Variants in SLC17A8 observed in about 807,000 individuals in gnomAD.
SLC17A8 encodes the protein vesicular glutamate transporter 3.
Under a neutral mutation model 58.0 loss-of-function variants are expected in SLC17A8, and 31 were observed. The observed-to-expected ratio is 0.53, with a 90% CI of 0.40 to 0.72. The LOEUF (loss-of-function observed/expected upper bound fraction) is 0.72, where lower values mean the gene tolerates loss of function less well. Ranked by LOEUF, SLC17A8 falls within the 30% of genes least tolerant of loss-of-function variation. The pLI is 0.00. For synonymous variants in SLC17A8, 228 were observed against 249.0 expected, an observed-to-expected ratio of 0.92 and a Z score of 0.79; for missense variants, 655 against 727.8, an observed-to-expected ratio of 0.90 and a Z score of 1.15.
intron 5 of SLC17A8, among the ~76,000 whole-genome samples, chr12:100,399,257 C>T (rs749005344): frequency 1.3e-5 from 2 of 152,130 alleles, no homozygotes; most frequent in Non-Finnish European, 2.9e-5. Context: ...GTCTGCTCCC[C>T]AGGGCAGTCT....
intron 1 of SLC17A8, among the ~76,000 whole-genome samples, chr12:100,359,298 C>A (rs1354749145): frequency 6.6e-6 from 1 of 151,844 alleles, no homozygotes; most frequent in Non-Finnish European, 1.5e-5. Flanking sequence ...AATTTGATTG[C>A]TTTTTTCAAT....
intron 2 of SLC17A8, among the ~76,000 whole-genome samples, chr12:100,388,759 A>T (rs1952693571): frequency 6.6e-6 from 1 of 152,246 alleles, no homozygotes; most frequent in Non-Finnish European, 1.5e-5. Flanking sequence ...GTTGATAATT[A>T]GGAACCCTCT....
rs1421761878 is a variant in SLC17A8 at position 100,402,462 on chromosome 12, A to T, written c.886A>T (p.Asn296Tyr). The change falls in exon 7 of 12, where the codon AAC becomes TAC. Residue 296 changes from asparagine to tyrosine, a missense_variant. By Grantham distance (143) the Asn-to-Tyr change is moderately radical. Transcript: ENST00000323346. ...YIETSIGEGANVVSLSKFSTP... is the reference protein window; with the variant it reads ...YIETSIGEGAYVVSLSKFSTP... The stretch of plus-strand genomic sequence containing the variant: ...AGAGACAAGCATAGGAGAGGGGGCC[A>T]ACGTGGTTAGTCTAAGTGTAAGTAT... 12 of 1,614,034 alleles carry T rather than the reference A, an allele frequency of 7.4e-6. No homozygotes were observed. Among genetic ancestry groups the T allele is most frequent in the African/African-American group, 1.3e-5 (1 of 74,936 alleles).
chr12:100,411,381 G>A (rs1952866570), intron 9 of SLC17A8, among the ~76,000 whole-genome samples: 1 of 152,228 alleles, frequency 6.6e-6, no homozygotes, highest in Non-Finnish European at 1.5e-5. Flanking sequence ...TTGGGAGGCT[G>A]AGGCAGGAGA....
chr12:100,379,511 A>G (rs1178606842), intron 1 of SLC17A8, among the ~76,000 whole-genome samples: 1 of 152,024 alleles, frequency 6.6e-6, no homozygotes, highest in Admixed American at 6.6e-5. Flanking sequence ...GTTTTATCCA[A>G]ACTATTGGGT....
At chr12:100,387,096 T>A (rs559939315) in intron 2 of SLC17A8, among the ~76,000 whole-genome samples, 1 of 152,224 alleles carries the variant, frequency 6.6e-6, no homozygotes, top group Non-Finnish European at 1.5e-5. Flanking sequence ...TTTTGGATCA[T>A]GATTTCAACT....
At chr12:100,384,821 T>TG (rs1364952348) in intron 2 of SLC17A8, among the ~76,000 whole-genome samples, 1 of 152,160 alleles carries the variant, frequency 6.6e-6, no homozygotes, top group Non-Finnish European at 1.5e-5. Context: ...CTTTCCCTCG[T>TG]GGGAACTAGA....
At chr12:100,394,748 T>G (rs1464656181) in intron 4 of SLC17A8, among the ~76,000 whole-genome samples, 1 of 147,732 alleles carries the variant, frequency 6.8e-6, no homozygotes, top group Non-Finnish European at 1.5e-5. Flanking sequence ...AGTAGAATTA[T>G]ATATAAATTT....
At chr12:100,399,039 C>T (rs1251530517) in intron 5 of SLC17A8, among the ~76,000 whole-genome samples, 1 of 152,152 alleles carries the variant, frequency 6.6e-6, no homozygotes, top group Non-Finnish European at 1.5e-5. Context: ...TTGGGTTTGT[C>T]TTTATCAGCA....
Position 100,393,399 on chromosome 12 carries a change from G to T in SLC17A8, c.504G>T (p.Ser168=). ...TTGGAGCTGCCATCTTCTTAACATC[G>T]ACTCTGAACATGTTTATTCCCTCTG... ...RVFGAAIFLT[S]TLNMFIPSAA... Residue 168 remains serine (S), a synonymous_variant, in exon 4 of 12, where the codon TCG becomes TCT. Coordinates refer to ENST00000323346, the MANE Select transcript of SLC17A8 (RefSeq NM_139319.3). The T allele has an allele frequency of 6.2e-7, 1 of 1,613,602 alleles. No individual in the cohort carries two copies. Among genetic ancestry groups the T allele is most frequent in the South Asian group, 1.1e-5 (1 of 91,018 alleles).
At chr12:100,367,984 T>C (rs1417347295) in intron 1 of SLC17A8, among the ~76,000 whole-genome samples, 2 of 152,256 alleles carry the variant, frequency 1.3e-5, no homozygotes, top group African/African-American at 4.8e-5. Context: ...TCTATTTTGT[T>C]TAAGTTTCCA....
chr12:100,365,275 A>G (rs1696355249), intron 1 of SLC17A8, among the ~76,000 whole-genome samples: 1 of 152,116 alleles, frequency 6.6e-6, no homozygotes, highest in Admixed American at 6.5e-5. Context: ...TGTCTGTTGT[A>G]TATTTCTCTA....
chr12:100,417,989 T>C (rs758203236), intron 10 of SLC17A8, 40 bp from the exon 11 acceptor site: 1 of 1,614,018 alleles, frequency 6.2e-7, no homozygotes, highest in South Asian at 1.1e-5. Flanking sequence ...TTTGAAATTC[T>C]GTTCTTGACT....
intron 8 of SLC17A8, among the ~76,000 whole-genome samples, chr12:100,403,425 C>T (rs779216603): frequency 6.6e-6 from 1 of 151,082 alleles, no homozygotes; most frequent in Admixed American, 6.6e-5. Context: ...GGCGAGATTG[C>T]ACCACTGCAC....
chr12:100,403,945 AG>A (rs994415283), intron 8 of SLC17A8, 92 bp from the exon 9 acceptor site: 2 of 1,427,662 alleles, frequency 1.4e-6, no homozygotes, highest in South Asian at 1.2e-5. Flanking sequence ...GGTGGTAGGT[AG>A]GGGGGCTGTG....
chr12:100,390,184 T>C (rs1021499194), intron 2 of SLC17A8, among the ~76,000 whole-genome samples: 9 of 151,864 alleles, frequency 5.9e-5, no homozygotes, highest in Non-Finnish European at 1.0e-4. Flanking sequence ...AGGCTGGTCT[T>C]GAGCTCCTGG....
chr12:100,378,463 A>C (rs1374531565), intron 1 of SLC17A8, among the ~76,000 whole-genome samples: 5 of 152,114 alleles, frequency 3.3e-5, no homozygotes, highest in African/African-American at 1.2e-4. Context: ...AATTGAAGAC[A>C]GTCATTTCTT....
intron 2 of SLC17A8, 78 bp downstream of exon 2, chr12:100,381,031 G>T: frequency 6.4e-7 from 1 of 1,566,518 alleles, no homozygotes; most frequent in East Asian, 2.2e-5. Flanking sequence ...GAGTACAGTG[G>T]CACGATCTTG....
chr12:100,414,873 G>A (rs1407698264), intron 10 of SLC17A8, among the ~76,000 whole-genome samples: 1 of 152,192 alleles, frequency 6.6e-6, no homozygotes, highest in Non-Finnish European at 1.5e-5. Flanking sequence ...CTCTAGGGTG[G>A]AGCCTGAGAT....
Sources: allele counts gnomAD v4.1 joint callset (sites outside exome capture counted in the v4.1 genomes callset), GRCh38; gene constraint gnomAD v4.1.1; transcripts MANE v1.5; gene names NCBI Gene and HGNC (gene_info 2026-07-23, HGNC 2026-07-21).